Variants in LIAS observed in about 807,000 individuals in gnomAD.
The protein encoded by LIAS is lipoyl synthase, mitochondrial.
In LIAS, 36 loss-of-function variants were observed where a neutral mutation model predicts 49.4. That is an observed-to-expected ratio of 0.73 (90% CI 0.56 to 0.96). The LOEUF is 0.96. Among genes scored for constraint, LIAS ranks in the 40% least tolerant of loss-of-function variants. The pLI is 0.00. For missense variants in LIAS, 399 were observed against 456.3 expected, an observed-to-expected ratio of 0.87 and a Z score of 1.14; for synonymous variants, 145 against 155.8, an observed-to-expected ratio of 0.93 and a Z score of 0.52.
intron 4 of LIAS, chr4:39,464,202 G>A (rs1179555216): frequency 2.0e-5 from 3 of 152,044 alleles, no homozygotes; most frequent in African/African-American, 7.3e-5. Flanking sequence ...TGGGCATGGT[G>A]GCACTTGCCT....
intron 8 of LIAS, among the ~76,000 whole-genome samples, chr4:39,470,796 A>G (rs1368400305): frequency 6.6e-6 from 1 of 152,216 alleles, no homozygotes; most frequent in African/African-American, 2.4e-5. Context: ...GTTTATTAGA[A>G]AGATTCTGAT....
At position 39,471,297 on chromosome 4, in the gene LIAS, TC is replaced by T; in HGVS notation, c.946del (p.His316ThrfsTer19). 1 of 1,606,988 alleles carries T rather than the reference TC, an allele frequency of 6.2e-7. No homozygotes were observed. The highest frequency in any genetic ancestry group is 8.5e-7 in the Non-Finnish European group (1 of 1,174,626). On this transcript the variant is annotated frameshift_variant, in exon 9 of 11. Transcript: ENST00000640888. LOFTEE classifies it high-confidence loss of function. ...LGQYMQPTRR[H>X]LKVEEYITPE... is the part of the protein sequence containing the mutation. ...GACAATATATGCAGCCAACAAGGCG[TC>T]ACCTTAAGGTACATGTATCTTGATT...
intron 10 of LIAS, chr4:39,476,017 G>A (rs1007411418): frequency 6.6e-6 from 1 of 152,244 alleles, no homozygotes; most frequent in Non-Finnish European, 1.5e-5. Flanking sequence ...AAGTGATTTA[G>A]TCTTCAAGCA....
chr4:39,467,304 T>C (rs1397127930), intron 6 of LIAS: 2 of 296,992 alleles, frequency 6.7e-6, no homozygotes, highest in Non-Finnish European at 1.2e-5. Context: ...CCTACAGGTG[T>C]GTTTTAACCA....
rs572257338 is a variant in LIAS, at chr4:39,473,276, C to T, written c.1066+65C>T. On this transcript the variant is annotated intron_variant, in intron 10 of 10. Transcript: ENST00000640888. ...AACTTTCCACATTAAGTTCTACCAC[C>T]AGTCACTAAAACTCTTGACAAATTC... is the stretch of plus-strand genomic sequence containing the variant. 842 of 990,122 alleles carry T rather than the reference C, an allele frequency of 8.5e-4. 1 individual carries two copies. Among genetic ancestry groups the T allele is most frequent in the Non-Finnish European group, 5.0e-4 (310 of 621,740 alleles). The allele number at this position is 990,122 out of a possible 1,614,324, so 61.3% of individuals were successfully genotyped here. A position where few individuals can be genotyped will look rare whatever the true frequency, so the allele number is the denominator to read the frequency against.
At chr4:39,476,820 T>C (rs1745210256) in intron 10 of LIAS, 2 of 431,658 alleles carry the variant, frequency 4.6e-6, no homozygotes, top group Admixed American at 8.9e-5. Context: ...CTTTGTAATA[T>C]TGGCTTACTA....
At chr4:39,471,774 C>T (rs547203310) in intron 9 of LIAS, among the ~76,000 whole-genome samples, 3 of 152,068 alleles carry the variant, frequency 2.0e-5, no homozygotes, top group East Asian at 1.9e-4. Context: ...GCAATCCACC[C>T]GCTTCGGCCT....
intron 10 of LIAS, chr4:39,473,750 A>G (rs1745076444): frequency 6.6e-6 from 1 of 152,234 alleles, no homozygotes; most frequent in Non-Finnish European, 1.5e-5. Context: ...TAGTTGTTTT[A>G]CTAGCTACAA....
At chr4:39,471,836 A>G (rs1352060767) in intron 9 of LIAS, among the ~76,000 whole-genome samples, 2 of 151,628 alleles carry the variant, frequency 1.3e-5, no homozygotes, top group Admixed American at 6.6e-5. Context: ...CCAATTTTTT[A>G]TATTTTTAAT....
rs1744706167 is a variant in LIAS at position 39,465,086 on chromosome 4, CT to C, written c.435del (p.Val146LeufsTer32). 6.2e-7 allele frequency: 1 copy of C among 1,613,916 alleles called. No homozygotes were observed. The highest frequency in any genetic ancestry group is 1.7e-5 in the Admixed American group (1 of 59,972). Reference protein sequence around the residue: ...DTCTRGCRFCSVKTARNPPPL... With the variant: ...DTCTRGCRFCXVKTARNPPPL... ...TGTACAAGAGGTTGCAGATTTTGTT[CT>C]GTTAAGACTGCAAGAAATCCTCCTC... On this transcript the variant is annotated frameshift_variant, in exon 5 of 11. Transcript: ENST00000640888. LOFTEE classifies it high-confidence loss of function.
intron 8 of LIAS, among the ~76,000 whole-genome samples, 191 bp from the exon 9 acceptor site, chr4:39,471,045 A>G (rs949346690): frequency 2.6e-5 from 4 of 152,142 alleles, no homozygotes; most frequent in African/African-American, 9.7e-5. Flanking sequence ...CTTAATTATT[A>G]TTGTTTTCAG....
At chr4:39,470,963 A>G (rs1744957309) in intron 8 of LIAS, among the ~76,000 whole-genome samples, 1 of 152,080 alleles carries the variant, frequency 6.6e-6, no homozygotes, top group African/African-American at 2.4e-5. Context: ...AATACCCTCC[A>G]CTACTATTTT....
chr4:39,466,270 A>C (rs1052817627), intron 6 of LIAS: 1 of 152,166 alleles, frequency 6.6e-6, no homozygotes, highest in Admixed American at 6.5e-5. Flanking sequence ...TCTACAGCTC[A>C]GTACTAGTTT....
At chr4:39,462,810 C>T (rs1744575571) in intron 3 of LIAS, among the ~76,000 whole-genome samples, 1 of 152,162 alleles carries the variant, frequency 6.6e-6, no homozygotes, top group Non-Finnish European at 1.5e-5. Flanking sequence ...CATGGTGAAA[C>T]CCCGTCTCTA....
At chr4:39,469,975 T>C (rs756392068) in intron 7 of LIAS, 44 bp from the exon 8 acceptor site, 2 of 1,579,438 alleles carry the variant, frequency 1.3e-6, no homozygotes, top group African/African-American at 1.3e-5. Flanking sequence ...ATGTACTTGG[T>C]TGAACTTGTA....
intron 9 of LIAS, among the ~76,000 whole-genome samples, chr4:39,471,783 C>T (rs1453422573): frequency 1.3e-5 from 2 of 152,008 alleles, no homozygotes; most frequent in African/African-American, 4.8e-5. Context: ...CCGCTTCGGC[C>T]TCCCAAAGCG....
chr4:39,468,527 TTATA>T (rs1192238650), intron 7 of LIAS: 12 of 144,164 alleles, frequency 8.3e-5, no homozygotes, highest in African/African-American at 3.1e-4. Context: ...ATATATTTTT[TTATA>T]TTATATATAT....
At chr4:39,463,099 CT>C (rs1191165140) in intron 3 of LIAS, among the ~76,000 whole-genome samples, 2,820 of 140,858 alleles carry the variant, frequency 0.02, 41 homozygotes, top group African/African-American at 0.058. Context: ...GTTTAACAGC[CT>C]TTTTTTTTTT....
Position 39,459,123 on chromosome 4 carries a change from T to C in LIAS, c.6T>C (p.Ser2=). The C allele has an allele frequency of 6.2e-7, 1 of 1,614,070 alleles. No individual in the cohort carries two copies. The highest frequency in any genetic ancestry group is 1.1e-5 in the South Asian group (1 of 91,084). The stretch of plus-strand genomic sequence containing the variant: ...GCGCTAGTCCTAAAGAGGAAATGTC[T>C]CTACGCTGCGGGGATGCAGCCCGCA... M[S]LRCGDAARTL... The change falls in exon 1 of 11, where the codon TCT becomes TCC. Residue 2 remains serine (S), a synonymous_variant. Coordinates refer to ENST00000640888, the MANE Select transcript of LIAS (RefSeq NM_006859.4).
Sources: gnomAD v4.1 joint callset for allele counts (sites outside exome capture counted in the v4.1 genomes callset) on GRCh38, gnomAD v4.1.1 for gene constraint, MANE v1.5 for transcripts, NCBI Gene and HGNC (gene_info 2026-07-23, HGNC 2026-07-21) for gene names.